The following UBE2E2 variants were observed in gnomAD, a reference collection of about 807,000 sequenced individuals.
UBE2E2 encodes the protein ubiquitin-conjugating enzyme E2 E2.
A neutral mutation model predicts 24.7 loss-of-function variants in UBE2E2; 6 were observed. That is an observed-to-expected ratio of 0.24 (90% CI 0.13 to 0.48). The LOEUF (loss-of-function observed/expected upper bound fraction) is 0.48, where lower values mean the gene tolerates loss of function less well. UBE2E2 is among the 20% of genes least tolerant of loss of function. The probability of loss-of-function intolerance (pLI) is 0.99; values close to 1 mark genes in which losing one functional copy is unlikely to be tolerated. For synonymous variants in UBE2E2, 104 were observed against 83.6 expected, an observed-to-expected ratio of 1.24 and a Z score of -1.33; for missense variants, 169 against 245.0, an observed-to-expected ratio of 0.69 and a Z score of 2.07.
chr3:23,425,277 C>G (rs1437938469), intron 3 of UBE2E2, among the ~76,000 whole-genome samples: 1 of 152,128 alleles, frequency 6.6e-6, no homozygotes, highest in African/African-American at 2.4e-5. Flanking sequence ...TAACCCAGTT[C>G]TGATGACATT....
chr3:23,206,397 A>C (rs924045070), intron 1 of UBE2E2, among the ~76,000 whole-genome samples: 5 of 152,262 alleles, frequency 3.3e-5, no homozygotes, highest in Admixed American at 6.5e-5. Flanking sequence ...GATGTGAAAC[A>C]TACTGATATA....
At chr3:23,574,803 T>A (rs1439723141) in intron 5 of UBE2E2, among the ~76,000 whole-genome samples, 1 of 152,176 alleles carries the variant, frequency 6.6e-6, no homozygotes, top group East Asian at 1.9e-4. Context: ...TTTCTAATAC[T>A]TTTGCATTCA....
At chr3:23,341,637 A>G (rs984281685) in intron 3 of UBE2E2, among the ~76,000 whole-genome samples, 2 of 151,984 alleles carry the variant, frequency 1.3e-5, no homozygotes, top group African/African-American at 2.4e-5. Flanking sequence ...TCCCACAGCT[A>G]CTCTTATCTG....
intron 3 of UBE2E2, among the ~76,000 whole-genome samples, chr3:23,357,408 T>TGTGA (rs751165578): frequency 2.6e-5 from 4 of 152,158 alleles, no homozygotes; most frequent in African/African-American, 7.2e-5. Flanking sequence ...TGTGTGTGTG[T>TGTGA]GTGAGTGTGT....
At chr3:23,568,100 CCA>C (rs1696119495) in intron 5 of UBE2E2, among the ~76,000 whole-genome samples, 1 of 152,214 alleles carries the variant, frequency 6.6e-6, no homozygotes, top group East Asian at 1.9e-4. Flanking sequence ...CACAGTTTTT[CCA>C]CAGTCAAAGG....
intron 5 of UBE2E2, among the ~76,000 whole-genome samples, chr3:23,588,844 G>T (rs1448111035): frequency 6.6e-6 from 1 of 152,162 alleles, no homozygotes; most frequent in Non-Finnish European, 1.5e-5. Flanking sequence ...CATGGTGAGT[G>T]TTAGCTATTA....
At chr3:23,472,719 GCT>G (rs536000369) in intron 3 of UBE2E2, among the ~76,000 whole-genome samples, 66 of 151,058 alleles carry the variant, frequency 4.4e-4, no homozygotes, top group African/African-American at 1.5e-3. Context: ...CGTGATCACA[GCT>G]CACTGCAGCC....
At chr3:23,503,348 C>T (rs1694332858) in intron 4 of UBE2E2, among the ~76,000 whole-genome samples, 1 of 150,880 alleles carries the variant, frequency 6.6e-6, no homozygotes, top group Admixed American at 6.6e-5. Flanking sequence ...TGCCACCACA[C>T]TCGGCCTATT....
chr3:23,316,548 T>C (rs1450425906), intron 3 of UBE2E2, among the ~76,000 whole-genome samples: 1 of 151,936 alleles, frequency 6.6e-6, no homozygotes, highest in Non-Finnish European at 1.5e-5. Context: ...CCAGAAATGC[T>C]GTCCAAGAGC....
chr3:23,267,435 A>T (rs1290968195), intron 3 of UBE2E2, among the ~76,000 whole-genome samples: 4 of 152,240 alleles, frequency 2.6e-5, no homozygotes, highest in Admixed American at 2.6e-4. Context: ...ACCTCTACAG[A>T]AATAAACTAA....
chr3:23,362,769 C>T (rs1696153282), intron 3 of UBE2E2, among the ~76,000 whole-genome samples: 2 of 152,100 alleles, frequency 1.3e-5, no homozygotes, highest in Non-Finnish European at 2.9e-5. Context: ...AGTGACCTCA[C>T]CCCAACCCTG....
chr3:23,298,314 C>T (rs1351058336), intron 3 of UBE2E2, among the ~76,000 whole-genome samples: 1 of 151,766 alleles, frequency 6.6e-6, no homozygotes, highest in Non-Finnish European at 1.5e-5. Flanking sequence ...GCCAGAACTT[C>T]CAACACTATG....
intron 3 of UBE2E2, among the ~76,000 whole-genome samples, chr3:23,379,394 C>T (rs1427760707): frequency 1.5e-5 from 2 of 137,732 alleles, no homozygotes; most frequent in Admixed American, 7.3e-5. Flanking sequence ...TCCCTCCCCC[C>T]TCCCCCGACC....
Position 23,522,230 on chromosome 3 carries a change from G to A in UBE2E2, c.361-10324G>A, listed in dbSNP as rs542111280. On this transcript the variant is annotated intron_variant, in intron 4 of 5. Transcript: ENST00000396703. ...ACTGCAAGCTCCGCCTCCCGGGTTC[G>A]CGCCGTTCTCCTGCCTCAGCCTCCG... 1.2e-4 allele frequency among the ~76,000 whole-genome samples: 18 copies of A among 148,886 alleles called. No homozygotes were observed. The South Asian group carries it at 2.1e-3, about 17-fold the overall frequency.
intron 2 of UBE2E2, among the ~76,000 whole-genome samples, chr3:23,209,935 C>T (rs1349751730): frequency 6.6e-6 from 1 of 152,082 alleles, no homozygotes; most frequent in East Asian, 1.9e-4. Context: ...TCAGAGAGCC[C>T]TGAACTTTAA....
intron 5 of UBE2E2, among the ~76,000 whole-genome samples, chr3:23,564,415 T>A (rs187419290): frequency 8.5e-5 from 13 of 152,256 alleles, no homozygotes; most frequent in African/African-American, 2.6e-4. Context: ...TATTTTAGAA[T>A]TTAAATATGG....
In UBE2E2 at chr3:23,291,351, T is replaced by A. The variant is rs150145593; in HGVS notation, c.227+74039T>A. On this transcript the variant is annotated intron_variant, in intron 3 of 5. Coordinates refer to ENST00000396703, the MANE Select transcript of UBE2E2 (RefSeq NM_152653.4). ...AGTAGGAAAAAACATTTAAAACTAT[T>A]GTAGTGATAACAATAAACTGCTTAA... Among the ~76,000 whole-genome samples, 12 of 152,254 alleles carry A rather than the reference T, an allele frequency of 7.9e-5. No homozygotes were observed. The East Asian group carries it at 1.7e-3, about 22-fold the overall frequency.
At chr3:23,301,758 T>C (rs1028126150) in intron 3 of UBE2E2, among the ~76,000 whole-genome samples, 1 of 152,138 alleles carries the variant, frequency 6.6e-6, no homozygotes, top group Non-Finnish European at 1.5e-5. Flanking sequence ...GCAGTCTGCC[T>C]GTTCTCAGAT....
chr3:23,396,394 T>C (rs1156806784), intron 3 of UBE2E2, among the ~76,000 whole-genome samples: 3 of 149,670 alleles, frequency 2.0e-5, no homozygotes, highest in South Asian at 4.2e-4. Flanking sequence ...TGTATGTATA[T>C]GTGTATAGTA....
Sources: gnomAD v4.1 joint callset for allele counts (sites outside exome capture counted in the v4.1 genomes callset) on GRCh38, gnomAD v4.1.1 for gene constraint, MANE v1.5 for transcripts, NCBI Gene and HGNC (gene_info 2026-07-23, HGNC 2026-07-21) for gene names.